The following CRHBP variants were observed in gnomAD, a reference collection of about 807,000 sequenced individuals.
The protein encoded by CRHBP is corticotropin-releasing hormone-binding protein.
CRHBP carries 19 observed loss-of-function variants against 34.9 expected under a neutral mutation model. The observed-to-expected ratio is 0.55, with a 90% CI of 0.38 to 0.80. The LOEUF (loss-of-function observed/expected upper bound fraction) is 0.80, where lower values mean the gene tolerates loss of function less well. CRHBP is among the 30% of genes least tolerant of loss of function. The pLI, the probability that CRHBP is intolerant of heterozygous loss-of-function variation, is 0.00. For synonymous variants in CRHBP, 154 were observed against 153.4 expected, an observed-to-expected ratio of 1.00 and a Z score of -0.03; for missense variants, 328 against 409.2, an observed-to-expected ratio of 0.80 and a Z score of 1.71.
downstream of CRHBP, among the ~76,000 whole-genome samples, chr5:76,973,764 A>G (rs946803006): frequency 5.9e-5 from 9 of 151,972 alleles, no homozygotes; most frequent in Non-Finnish European, 1.3e-4. Flanking sequence ...TTTGTGACAC[A>G]GATTTTTCCA....
intron 3 of CRHBP, among the ~76,000 whole-genome samples, chr5:76,979,582 C>A (rs1746088794): frequency 6.6e-6 from 1 of 151,638 alleles, no homozygotes; most frequent in Non-Finnish European, 1.5e-5. Context: ...ATCTCCTGAC[C>A]TCATGATCCG....
At chr5:76,958,218 C>T (rs988741533) in intron 4 of CRHBP, among the ~76,000 whole-genome samples, 1 of 151,616 alleles carries the variant, frequency 6.6e-6, no homozygotes, top group African/African-American at 2.4e-5. Context: ...GTGAAGCTGC[C>T]GAGCTGCATC....
At chr5:76,962,097 T>C (rs1745787422) in intron 5 of CRHBP, among the ~76,000 whole-genome samples, 1 of 152,026 alleles carries the variant, frequency 6.6e-6, no homozygotes, top group African/African-American at 2.4e-5. Flanking sequence ...TGTGTGTGTG[T>C]GGGTGTGTGT....
intron 6 of CRHBP, among the ~76,000 whole-genome samples, chr5:76,964,170 T>A (rs891379947): frequency 1.3e-5 from 2 of 152,182 alleles, no homozygotes; most frequent in African/African-American, 4.8e-5. Flanking sequence ...GATAACTCAA[T>A]GAAGTCTCGG....
Position 76,968,765 on chromosome 5 carries a change from C to T in CRHBP, c.849C>T (p.Arg283=), listed in dbSNP as rs553892661. 1 of 1,614,030 alleles carries T rather than the reference C, an allele frequency of 6.2e-7. No homozygotes were observed. Among genetic ancestry groups the T allele is most frequent in the Admixed American group, 1.7e-5 (1 of 59,994 alleles). Residue 283 remains arginine (R), a synonymous_variant, in exon 7 of 7, where the codon CGC becomes CGT. Transcript: ENST00000274368. ...MKVGCDNTVV[R]MVSSGKHVNR... ...TTGGCTGTGACAACACTGTGGTGCG[C>T]ATGGTCTCCAGTGGAAAACACGTAA...
chr5:76,974,580 C>G (rs1033619054), intron 2 of CRHBP, among the ~76,000 whole-genome samples: 5 of 151,918 alleles, frequency 3.3e-5, no homozygotes, highest in Admixed American at 2.0e-4. Context: ...CAAAAGCACC[C>G]AAAAGAGAGT....
At chr5:76,953,796 C>G in intron 2 of CRHBP, 102 bp downstream of exon 2, 3 of 1,316,132 alleles carry the variant, frequency 2.3e-6, no homozygotes, top group Non-Finnish European at 3.1e-6. Flanking sequence ...AAGGGGCTGG[C>G]CGGAACCGCC....
At chr5:76,979,189 C>T (rs1264273028) in intron 3 of CRHBP, among the ~76,000 whole-genome samples, 5 of 151,002 alleles carry the variant, frequency 3.3e-5, no homozygotes, top group South Asian at 2.1e-4. Flanking sequence ...TCCTTTTTTT[C>T]GAGATGGGGT....
intron 1 of CRHBP, 168 bp from the exon 2 acceptor site, chr5:76,953,433 G>T: frequency 1.1e-6 from 1 of 877,048 alleles, no homozygotes. Flanking sequence ...GGATACCCTG[G>T]CCTGATGGAG....
chr5:76,978,239 T>C (rs1480948768), intron 3 of CRHBP, among the ~76,000 whole-genome samples: 3 of 152,224 alleles, frequency 2.0e-5, no homozygotes, highest in Non-Finnish European at 4.4e-5. Context: ...TGATTTTCAA[T>C]GTAGACAAAA....
At chr5:76,979,202 T>C (rs1746082909) in intron 3 of CRHBP, among the ~76,000 whole-genome samples, 1 of 152,138 alleles carries the variant, frequency 6.6e-6, no homozygotes, top group African/African-American at 2.4e-5. Flanking sequence ...GATGGGGTCT[T>C]TCTCTGTTGC....
At chr5:76,978,427 G>A (rs1027186413) in intron 3 of CRHBP, among the ~76,000 whole-genome samples, 15 of 152,184 alleles carry the variant, frequency 9.9e-5, no homozygotes, top group African/African-American at 2.4e-4. Flanking sequence ...GAAGTATGCT[G>A]AGTCTACTCT....
chr5:76,961,928 A>G (rs1268267780), intron 5 of CRHBP, among the ~76,000 whole-genome samples: 1 of 151,844 alleles, frequency 6.6e-6, no homozygotes, highest in African/African-American at 2.4e-5. Context: ...TAATTTTTGT[A>G]TTTTTAGTGG....
At chr5:76,978,927 C>G (rs746218199) in intron 3 of CRHBP, among the ~76,000 whole-genome samples, 1 of 152,208 alleles carries the variant, frequency 6.6e-6, no homozygotes, top group Non-Finnish European at 1.5e-5. Flanking sequence ...GCATTGCATG[C>G]TACAGAGAAA....
downstream of CRHBP, among the ~76,000 whole-genome samples, chr5:76,973,143 G>T (rs1457360834): frequency 6.6e-6 from 1 of 152,142 alleles, no homozygotes; most frequent in Non-Finnish European, 1.5e-5. Context: ...TTAAGCCACT[G>T]AGATAAATAT....
At chr5:76,973,145 GATAA>G (rs1397475902), downstream of CRHBP, among the ~76,000 whole-genome samples, 1 of 152,170 alleles carries the variant, frequency 6.6e-6, no homozygotes, top group African/African-American at 2.4e-5. Flanking sequence ...AAGCCACTGA[GATAA>G]ATATATATAG....
chr5:76,955,569 A>C (rs1022280024), intron 3 of CRHBP, 84 bp from the exon 4 acceptor site: 1 of 1,254,284 alleles, frequency 8.0e-7, no homozygotes, highest in African/African-American at 1.5e-5. Context: ...CCATTGCTGG[A>C]TGACTTTCCC....
chr5:76,969,818 C>A (rs1745916572), downstream of CRHBP, among the ~76,000 whole-genome samples: 1 of 151,618 alleles, frequency 6.6e-6, no homozygotes, highest in Non-Finnish European at 1.5e-5. Flanking sequence ...TTCTTTGATA[C>A]TGAAGGCAGT....
Position 76,955,732 on chromosome 5 carries a change from T to C in CRHBP, c.413T>C (p.Ile138Thr). 2.5e-6 allele frequency: 4 copies of C among 1,614,226 alleles called. No individual in the cohort carries two copies. Among genetic ancestry groups the C allele is most frequent in the South Asian group, 2.2e-5 (2 of 91,086 alleles). Residue 138 changes from isoleucine to threonine, a missense_variant, in exon 4 of 7, where the codon ATA becomes ACA. Ile to Thr is a moderately conservative substitution (Grantham distance 89, BLOSUM62 -1). Around this residue, in one of 3 missense-constraint regions of CRHBP, gnomAD observed 173 missense variants for 172.2 expected, o/e 1.00. Coordinates refer to ENST00000274368, the MANE Select transcript of CRHBP (RefSeq NM_001882.4). The stretch of plus-strand genomic sequence containing the variant: ...CCTCTCCCCTCAGCTGAGCGGTACA[T>C]AGATTTCTGTGAGAGTGGTCTTAGC... ...DHPLPSAERY[I>T]DFCESGLSRR... is the part of the protein sequence containing the mutation.
Sources: allele counts gnomAD v4.1 joint callset (sites outside exome capture counted in the v4.1 genomes callset), GRCh38; gene constraint gnomAD v4.1.1; regional missense constraint gnomAD v4.1.1; transcripts MANE v1.5; gene names NCBI Gene and HGNC (gene_info 2026-07-23, HGNC 2026-07-21).